The following TULP4 variants were observed in gnomAD, a reference collection of about 807,000 sequenced individuals.
TULP4 encodes tubby-related protein 4.
TULP4 carries 16 observed loss-of-function variants against 129.0 expected under a neutral mutation model. That is an observed-to-expected ratio of 0.12 (90% CI 0.08 to 0.19). TULP4 has a LOEUF of 0.19. Among genes scored for constraint, TULP4 ranks in the 10% least tolerant of loss-of-function variants. TULP4 has a pLI of 1.00. For missense variants in TULP4, 1,842 were observed against 2,059.1 expected (o/e 0.89, Z 2.04); for synonymous variants, 998 against 854.0 (o/e 1.17, Z -2.94).
At chr6:158,325,448 G>A (rs1309129109) in intron 1 of TULP4, among the ~76,000 whole-genome samples, 1 of 151,260 alleles carries the variant, frequency 6.6e-6, no homozygotes, top group Non-Finnish European at 1.5e-5. Context: ...TGCCTCTTGG[G>A]TTCATGCCAT....
chr6:158,439,578 A>G (rs1778836114), intron 3 of TULP4, among the ~76,000 whole-genome samples: 2 of 152,046 alleles, frequency 1.3e-5, no homozygotes. Flanking sequence ...CTGGTCTTTT[A>G]AGATTGTGAT....
intron 2 of TULP4, among the ~76,000 whole-genome samples, chr6:158,421,144 G>A (rs1434696421): frequency 6.6e-6 from 1 of 152,150 alleles, no homozygotes; most frequent in African/African-American, 2.4e-5. Context: ...GGCGGATCAC[G>A]AGGTCAAGAG....
At chr6:158,483,256 C>T (rs923249972) in intron 8 of TULP4, among the ~76,000 whole-genome samples, 9 of 152,148 alleles carry the variant, frequency 5.9e-5, no homozygotes, top group Non-Finnish European at 1.3e-4. Flanking sequence ...ACTAATTGCA[C>T]CTGAATGGCA....
intron 2 of TULP4, among the ~76,000 whole-genome samples, chr6:158,419,136 A>G (rs1778279852): frequency 6.6e-6 from 1 of 152,224 alleles, no homozygotes; most frequent in South Asian, 2.1e-4. Context: ...ATCTGAGGAA[A>G]CAACTTTTTT....
At chr6:158,443,969 C>T (rs1288359915) in intron 3 of TULP4, among the ~76,000 whole-genome samples, 1 of 151,982 alleles carries the variant, frequency 6.6e-6, no homozygotes, top group Non-Finnish European at 1.5e-5. Context: ...CCTGTAATCC[C>T]AGCACTTTGG....
At chr6:158,291,573 A>AT (rs370599079) in intron 1 of TULP4, among the ~76,000 whole-genome samples, 2,411 of 149,522 alleles carry the variant, frequency 0.016, 63 homozygotes, top group African/African-American at 0.055. Context: ...GTGTCTGTGC[A>AT]TTTTTTTTTA....
In TULP4 at chr6:158,425,994, T is replaced by C. The variant is rs369619402; in HGVS notation, c.382-3742T>C. Reference sequence around the variant, plus strand: ...TCTCTAATCAGTGAAGTTGAGCCTTTTTAAATATGCTTGTTGGCTGCATGT... The same window carrying C: ...TCTCTAATCAGTGAAGTTGAGCCTTCTTAAATATGCTTGTTGGCTGCATGT... On this transcript the variant is annotated intron_variant, in intron 2 of 13. Coordinates refer to ENST00000367097, the MANE Select transcript of TULP4 (RefSeq NM_020245.5). 5.3e-4 allele frequency among the ~76,000 whole-genome samples: 81 copies of C among 152,370 alleles called. 2 individuals carry two copies. In the East Asian group the frequency reaches 9.4e-3, roughly 18 times the overall value.
intron 1 of TULP4, among the ~76,000 whole-genome samples, chr6:158,343,751 A>G (rs1049386980): frequency 6.6e-6 from 1 of 152,212 alleles, no homozygotes; most frequent in Non-Finnish European, 1.5e-5. Context: ...GACAGGCAGG[A>G]AAAGACTAAT....
rs147488511 is a variant in TULP4, at chr6:158,385,924, G to A, written c.253-27141G>A. Reference sequence around the variant, plus strand: ...CAGTAGTGTGATCATAGTGCACTGCGGCCTTGAACTCCTAAGCTCAAGCAA... The same window carrying A: ...CAGTAGTGTGATCATAGTGCACTGCAGCCTTGAACTCCTAAGCTCAAGCAA... On this transcript the variant is annotated intron_variant, in intron 1 of 13. Transcript: ENST00000367097. 2.5e-3 allele frequency among the ~76,000 whole-genome samples: 358 copies of A among 141,614 alleles called. 2 individuals carry two copies. Among genetic ancestry groups the A allele is most frequent in the African/African-American group, 8.4e-3 (316 of 37,698 alleles). The allele number at this position is 141,614 out of a possible 152,430, so 92.9% of individuals were successfully genotyped here. A position where few individuals can be genotyped will look rare whatever the true frequency, so the allele number is the denominator to read the frequency against.
In TULP4 at chr6:158,481,181, C is replaced by T. The variant is rs1351181379; in HGVS notation, c.1378C>T (p.Leu460Phe). The change falls in exon 8 of 14, where the codon CTC (leucine) becomes TTC (phenylalanine). Residue 460 changes from leucine to phenylalanine, a missense_variant. Leu to Phe is a conservative substitution (Grantham distance 22, BLOSUM62 0). Around this residue, in one of 5 missense-constraint regions of TULP4, gnomAD observed 456 missense variants for 534.3 expected, o/e 0.85. Transcript: ENST00000367097. Reference sequence around the variant, plus strand: ...GGAGGTGGGCGGCCCGTGCTACACGCTCTACCTGGAGTACCTGGGCGGGCT... The same window carrying T: ...GGAGGTGGGCGGCCCGTGCTACACGTTCTACCTGGAGTACCTGGGCGGGCT... ...DPEVGGPCYTLYLEYLGGLVP... is the reference protein window; with the variant it reads ...DPEVGGPCYTFYLEYLGGLVP... 1.2e-6 allele frequency: 2 copies of T among 1,614,126 alleles called. No individual in the cohort carries two copies. The highest frequency in any genetic ancestry group is 1.7e-6 in the Non-Finnish European group (2 of 1,180,042).
At chr6:158,500,571 A>C (rs1780421455) in intron 12 of TULP4, among the ~76,000 whole-genome samples, 1 of 152,230 alleles carries the variant, frequency 6.6e-6, no homozygotes, top group African/African-American at 2.4e-5. Context: ...AGGGTAGCAC[A>C]GTGGGCCTAG....
chr6:158,453,671 C>T (rs1445469048), intron 5 of TULP4, among the ~76,000 whole-genome samples: 1 of 151,406 alleles, frequency 6.6e-6, no homozygotes, highest in Non-Finnish European at 1.5e-5. Flanking sequence ...TGCCTGTAAT[C>T]CCAGCTACTC....
rs1005791301 is a variant in TULP4 at position 158,259,424 on chromosome 6, T to C, written n.68+27121T>C. On this transcript the variant is annotated intron_variant and non_coding_transcript_variant, in intron 1 of 1. Transcript: ENST00000620026. ...GGTTGTTTGGTTATGCACATAGATA[T>C]CTTCTGTGATTTTGAGAACTCTATG... is the stretch of plus-strand genomic sequence containing the variant. 5.9e-5 allele frequency among the ~76,000 whole-genome samples: 9 copies of C among 152,334 alleles called. No individual in the cohort carries two copies. The South Asian group carries it at 1.4e-3, about 25-fold the overall frequency.
intron 5 of TULP4, among the ~76,000 whole-genome samples, chr6:158,459,276 CA>C (rs1174458903): frequency 1.3e-5 from 2 of 152,064 alleles, no homozygotes; most frequent in Non-Finnish European, 2.9e-5. Flanking sequence ...ACTGAAAATA[CA>C]AAATTAGCTG....
intron 1 of TULP4, among the ~76,000 whole-genome samples, chr6:158,401,693 G>A (rs921373766): frequency 6.6e-6 from 1 of 152,082 alleles, no homozygotes; most frequent in Non-Finnish European, 1.5e-5. Flanking sequence ...GCTCATCTCC[G>A]TCTGTAGTGC....
intron 1 of TULP4, chr6:158,237,662 T>G (rs532292405): frequency 8.0e-7 from 1 of 1,245,692 alleles, no homozygotes; most frequent in South Asian, 1.2e-5. Flanking sequence ...TCATAATTCT[T>G]AGGCAATTTT....
At chr6:158,437,148 T>C (rs918537732) in intron 3 of TULP4, among the ~76,000 whole-genome samples, 4 of 152,374 alleles carry the variant, frequency 2.6e-5, no homozygotes, top group African/African-American at 9.6e-5. Flanking sequence ...TTGCAAGAAA[T>C]ATGACCTTTA....
chr6:158,349,235 C>T (rs1165068676), intron 1 of TULP4, among the ~76,000 whole-genome samples: 1 of 146,574 alleles, frequency 6.8e-6, no homozygotes, highest in African/African-American at 2.5e-5. Flanking sequence ...AGGCGCTCCT[C>T]ACATCCCAGA....
intron 1 of TULP4, among the ~76,000 whole-genome samples, chr6:158,276,843 T>C (rs372593020): frequency 6.6e-6 from 1 of 152,204 alleles, no homozygotes; most frequent in African/African-American, 2.4e-5. Flanking sequence ...CAAGGTATTA[T>C]GGAAATAGAG....
Sources: allele counts gnomAD v4.1 joint callset (sites outside exome capture counted in the v4.1 genomes callset), GRCh38; gene constraint gnomAD v4.1.1; regional missense constraint gnomAD v4.1.1; transcripts MANE v1.5; gene names NCBI Gene and HGNC (gene_info 2026-07-23, HGNC 2026-07-21).